Variants in CLPB observed in about 807,000 individuals in gnomAD.
The protein encoded by CLPB is mitochondrial disaggregase.
Under a neutral mutation model 78.4 loss-of-function variants are expected in CLPB, and 40 were observed. That is an observed-to-expected ratio of 0.51 (90% confidence interval 0.40 to 0.66). CLPB has a LOEUF of 0.66. Among genes scored for constraint, CLPB ranks in the 30% least tolerant of loss-of-function variants. The pLI, the probability that CLPB is intolerant of heterozygous loss-of-function variation, is 0.00. For synonymous variants in CLPB, 333 were observed against 348.0 expected (o/e 0.96, Z 0.48); for missense variants, 780 against 886.9 (o/e 0.88, Z 1.53).
chr11:72,413,078 C>T (rs752881539), intron 2 of CLPB, among the ~76,000 whole-genome samples: 1 of 152,058 alleles, frequency 6.6e-6, no homozygotes, highest in Non-Finnish European at 1.5e-5. Flanking sequence ...CACCTGAGGT[C>T]GGGAGTTCGA....
At chr11:72,334,887 T>C (rs548869026) in intron 5 of CLPB, among the ~76,000 whole-genome samples, 2 of 152,272 alleles carry the variant, frequency 1.3e-5, no homozygotes, top group Non-Finnish European at 2.9e-5. Context: ...TCCCAGCTTA[T>C]AATATTTGAT....
chr11:72,423,481 A>G (rs1457560465), intron 2 of CLPB, among the ~76,000 whole-genome samples: 1 of 152,160 alleles, frequency 6.6e-6, no homozygotes, highest in Non-Finnish European at 1.5e-5. Context: ...ACCAAGTCCT[A>G]TCTAGTTTAC....
intron 4 of CLPB, among the ~76,000 whole-genome samples, chr11:72,369,491 G>C (rs1951003552): frequency 6.6e-6 from 1 of 151,786 alleles, no homozygotes; most frequent in Non-Finnish European, 1.5e-5. Flanking sequence ...ATGGCAACAA[G>C]AAGAAGGTGG....
intron 4 of CLPB, among the ~76,000 whole-genome samples, chr11:72,378,313 A>C (rs1362455152): frequency 6.6e-6 from 1 of 152,194 alleles, no homozygotes; most frequent in Non-Finnish European, 1.5e-5. Context: ...GACATACCTG[A>C]AACTGGGAAC....
intron 3 of CLPB, among the ~76,000 whole-genome samples, chr11:72,396,267 T>G (rs889641204): frequency 6.6e-6 from 1 of 152,062 alleles, no homozygotes; most frequent in Non-Finnish European, 1.5e-5. Context: ...ACTGATGAAA[T>G]GCACTCGGGG....
chr11:72,362,835 A>G (rs928513043), intron 4 of CLPB, among the ~76,000 whole-genome samples: 9 of 152,218 alleles, frequency 5.9e-5, no homozygotes, highest in African/African-American at 2.2e-4. Context: ...TCCTGCATAT[A>G]CTTTCCTCTC....
intron 5 of CLPB, among the ~76,000 whole-genome samples, chr11:72,342,614 A>C (rs866947485): frequency 3.3e-5 from 5 of 152,276 alleles, no homozygotes; most frequent in Admixed American, 3.3e-4. Context: ...AGCTAGGAGC[A>C]ACTGTCAGTG....
chr11:72,350,998 C>T (rs1263422682), intron 5 of CLPB, among the ~76,000 whole-genome samples: 1 of 152,190 alleles, frequency 6.6e-6, no homozygotes, highest in Non-Finnish European at 1.5e-5. Context: ...CAATCTCTCC[C>T]CATCCCTCCC....
chr11:72,369,831 G>T (rs919252992), intron 4 of CLPB, among the ~76,000 whole-genome samples: 1 of 152,156 alleles, frequency 6.6e-6, no homozygotes, highest in African/African-American at 2.4e-5. Context: ...TTCCCATCCA[G>T]GGAGGGGCAG....
At chr11:72,344,671 G>A (rs540186188) in intron 5 of CLPB, among the ~76,000 whole-genome samples, 10 of 152,114 alleles carry the variant, frequency 6.6e-5, no homozygotes, top group African/African-American at 1.4e-4. Context: ...AAACAGCTCC[G>A]ATTTGTTTAA....
rs72970610 is a variant in CLPB at position 72,385,930 on chromosome 11, T to C, written c.543-5546A>G. 7.8e-3 allele frequency among the ~76,000 whole-genome samples: 1,185 copies of C among 152,358 alleles called. 6 individuals carry two copies. Among genetic ancestry groups the C allele is most frequent in the Middle Eastern group, 0.017 (5 of 294 alleles). ...CCAATCCCTACTATAAAACAATAGA[T>C]TGTTTTAAATATTTTAGTAACATAT... On this transcript the variant is annotated intron_variant, in intron 3 of 15. Transcript: ENST00000538039.
At chr11:72,371,473 G>A (rs906087073) in intron 4 of CLPB, among the ~76,000 whole-genome samples, 3 of 151,598 alleles carry the variant, frequency 2.0e-5, no homozygotes, top group Non-Finnish European at 4.4e-5. Flanking sequence ...AGGTTGCAGA[G>A]AGCTGAGATC....
At chr11:72,390,466 A>AT (rs1156926031) in intron 3 of CLPB, among the ~76,000 whole-genome samples, 1 of 151,646 alleles carries the variant, frequency 6.6e-6, no homozygotes, top group Admixed American at 6.6e-5. Flanking sequence ...AAAAAAAAAA[A>AT]GAAAAGAAAA....
chr11:72,413,684 T>C (rs1403044729), intron 2 of CLPB, among the ~76,000 whole-genome samples: 1 of 152,216 alleles, frequency 6.6e-6, no homozygotes, highest in African/African-American at 2.4e-5. Flanking sequence ...GACCAAACAC[T>C]GCATATGTTT....
chr11:72,422,431 A>G (rs1200534314), intron 2 of CLPB, among the ~76,000 whole-genome samples: 1 of 152,200 alleles, frequency 6.6e-6, no homozygotes, highest in Non-Finnish European at 1.5e-5. Flanking sequence ...AGGTCTTTTA[A>G]TTCTAAAACT....
chr11:72,302,827 C>T (rs780412654), intron 9 of CLPB: 4 of 158,294 alleles, frequency 2.5e-5, no homozygotes, highest in Non-Finnish European at 5.6e-5. Context: ...GAGAAACACT[C>T]AGATGGCTCC....
intron 5 of CLPB, among the ~76,000 whole-genome samples, chr11:72,349,297 C>A (rs1347017543): frequency 6.6e-6 from 1 of 152,214 alleles, no homozygotes; most frequent in Non-Finnish European, 1.5e-5. Flanking sequence ...ACACAGGCTT[C>A]TATTACTTCA....
chr11:72,367,664 G>A (rs1026494651), intron 4 of CLPB, among the ~76,000 whole-genome samples: 1 of 152,034 alleles, frequency 6.6e-6, no homozygotes, highest in Admixed American at 6.5e-5. Context: ...ACTATGCATA[G>A]TACCTGGGTG....
At chr11:72,354,397 A>G (rs1950669202) in intron 5 of CLPB, 2 of 398,308 alleles carry the variant, frequency 5.0e-6, no homozygotes, top group Admixed American at 4.4e-5. Context: ...AACCTTGGTC[A>G]AGAAAAACGG....
Sources: allele counts gnomAD v4.1 joint callset (sites outside exome capture counted in the v4.1 genomes callset), GRCh38; gene constraint gnomAD v4.1.1; transcripts MANE v1.5; gene names NCBI Gene and HGNC (gene_info 2026-07-23, HGNC 2026-07-21).